DNAJC15: variants seen among roughly 807,000 people sequenced by gnomAD.
The protein encoded by DNAJC15 is dnaJ homolog subfamily C member 15.
In DNAJC15, 27 loss-of-function variants were observed where a neutral mutation model predicts 22.4. The ratio of observed to expected loss-of-function variants is 1.20; its 90% CI spans 0.89 to 1.66. The LOEUF is 1.66. Ranked by LOEUF, DNAJC15 falls within the 40% of genes most tolerant of loss-of-function variation. The pLI is 0.00. For synonymous variants in DNAJC15, 79 were observed against 63.2 expected, an observed-to-expected ratio of 1.25 and a Z score of -1.19; for missense variants, 208 against 187.1, an observed-to-expected ratio of 1.11 and a Z score of -0.65.
Position 43,108,103 on chromosome 13 carries a change from T to C in DNAJC15, c.*855T>C, listed in dbSNP as rs1944937614. ...AGGATAAATCACAAATAGTGAATAC[T>C]GTTAGATACAGATGATATATTTTAA... On this transcript the variant is annotated 3_prime_UTR_variant, in exon 6 of 6. Coordinates refer to ENST00000379221, the MANE Select transcript of DNAJC15 (RefSeq NM_013238.3). 1.3e-5 allele frequency: 2 copies of C among 152,618 alleles called. No homozygotes were observed. Among genetic ancestry groups the C allele is most frequent in the Admixed American group, 1.3e-4 (2 of 15,270 alleles). The allele number at this position is 152,618 out of a possible 1,614,324, so 9.5% of individuals were successfully genotyped here.
At chr13:43,070,900 C>G (rs1032924397) in intron 3 of DNAJC15, among the ~76,000 whole-genome samples, 3 of 152,144 alleles carry the variant, frequency 2.0e-5, no homozygotes, top group African/African-American at 7.2e-5. Flanking sequence ...AGCTGTGAAA[C>G]CAGTAAGCGG....
chr13:43,102,726 A>G (rs1331413362), intron 5 of DNAJC15, among the ~76,000 whole-genome samples: 2 of 152,158 alleles, frequency 1.3e-5, no homozygotes, highest in Non-Finnish European at 2.9e-5. Context: ...CTTGGTCATC[A>G]TATCTAGTCT....
intron 1 of DNAJC15, among the ~76,000 whole-genome samples, chr13:43,052,841 G>T (rs1485887523): frequency 2.0e-5 from 3 of 152,096 alleles, no homozygotes; most frequent in African/African-American, 7.2e-5. Context: ...CTACTCTGTG[G>T]GTTGTTTATT....
At chr13:43,053,078 A>G (rs2040513070) in intron 1 of DNAJC15, among the ~76,000 whole-genome samples, 1 of 152,168 alleles carries the variant, frequency 6.6e-6, no homozygotes, top group African/African-American at 2.4e-5. Context: ...TGATTTTTGT[A>G]TAAGGTGAGA....
rs1254802324 is a variant in DNAJC15, at chr13:43,109,978, TTTAA to T, written c.*2734_*2737del. The T allele has an allele frequency of 6.6e-6, 1 of 152,188 alleles. No homozygotes were observed. Among genetic ancestry groups the T allele is most frequent in the Non-Finnish European group, 1.5e-5 (1 of 68,028 alleles). 9.4% of individuals were successfully genotyped at this position (152,188 alleles called of 1,614,324 possible). A position where few individuals can be genotyped will look rare whatever the true frequency, so the allele number is the denominator to read the frequency against. ...AATTTTTACTTCTTTCACTGCCTCATTTAATTAGTTTTATCTTTAATAATACCTT... is the reference window on the plus strand; with the variant it reads ...AATTTTTACTTCTTTCACTGCCTCATTTAGTTTTATCTTTAATAATACCTT... On this transcript the variant is annotated 3_prime_UTR_variant, in exon 6 of 6. Coordinates refer to ENST00000379221, the MANE Select transcript of DNAJC15 (RefSeq NM_013238.3).
chr13:43,052,793 A>G (rs1295601893), intron 1 of DNAJC15, among the ~76,000 whole-genome samples: 2 of 152,114 alleles, frequency 1.3e-5, no homozygotes, highest in Non-Finnish European at 2.9e-5. Flanking sequence ...AGTGTGTATT[A>G]GTCCTGTGTT....
intron 1 of DNAJC15, among the ~76,000 whole-genome samples, chr13:43,058,348 A>T (rs1214931786): frequency 6.6e-6 from 1 of 151,992 alleles, no homozygotes; most frequent in African/African-American, 2.4e-5. Context: ...CCAAGAGATT[A>T]TGTCCTTTGT....
intron 4 of DNAJC15, among the ~76,000 whole-genome samples, chr13:43,082,681 G>A (rs9315988): frequency 0.23 from 34,680 of 152,032 alleles, 4,551 homozygotes; most frequent in Non-Finnish European, 0.31. Flanking sequence ...ACAAAACTAT[G>A]TGGAACTGAT....
chr13:43,059,547 A>G (rs748974692), intron 1 of DNAJC15, among the ~76,000 whole-genome samples: 1 of 152,178 alleles, frequency 6.6e-6, no homozygotes, highest in Non-Finnish European at 1.5e-5. Context: ...TACTTTTAGT[A>G]GAGCCACCAC....
chr13:43,028,703 T>G (rs1365495705), intron 1 of DNAJC15, among the ~76,000 whole-genome samples: 3 of 152,208 alleles, frequency 2.0e-5, no homozygotes, highest in Admixed American at 2.0e-4. Context: ...TCATGAAATT[T>G]TATGGTTCTG....
chr13:43,076,778 C>A (rs1333733356), intron 3 of DNAJC15, among the ~76,000 whole-genome samples: 1 of 152,216 alleles, frequency 6.6e-6, no homozygotes, highest in Non-Finnish European at 1.5e-5. Context: ...TAAATACACT[C>A]TAATCATACG....
At chr13:43,061,184 G>C (rs1020816227) in intron 1 of DNAJC15, among the ~76,000 whole-genome samples, 5 of 152,196 alleles carry the variant, frequency 3.3e-5, no homozygotes, top group Non-Finnish European at 7.3e-5. Flanking sequence ...GGCCTGTGAG[G>C]CTGGAAGGGG....
rs150144522 is a variant in DNAJC15 at position 43,080,328 on chromosome 13, G to A, written c.311+1640G>A. Reference sequence around the variant, plus strand: ...ATGTGATATTTGGTTTTCTGTTTCTGCATTAGTTTGCTGAGGATAATGGCT... The same window carrying A: ...ATGTGATATTTGGTTTTCTGTTTCTACATTAGTTTGCTGAGGATAATGGCT... On this transcript the variant is annotated intron_variant, in intron 4 of 5. Coordinates refer to ENST00000379221, the MANE Select transcript of DNAJC15 (RefSeq NM_013238.3). 3.3e-4 allele frequency among the ~76,000 whole-genome samples: 50 copies of A among 152,224 alleles called. No homozygotes were observed. In the East Asian group the frequency reaches 8.9e-3, roughly 27 times the overall value.
At chr13:43,050,703 A>G (rs535420241) in intron 1 of DNAJC15, among the ~76,000 whole-genome samples, 14 of 152,336 alleles carry the variant, frequency 9.2e-5, no homozygotes, top group African/African-American at 3.4e-4. Flanking sequence ...TTTTAATATC[A>G]AATTAAAATA....
At chr13:43,082,130 G>T (rs1171581015) in intron 4 of DNAJC15, among the ~76,000 whole-genome samples, 1 of 151,886 alleles carries the variant, frequency 6.6e-6, no homozygotes, top group Non-Finnish European at 1.5e-5. Context: ...TAAGATTTGG[G>T]TGGAGACAGA....
intron 1 of DNAJC15, among the ~76,000 whole-genome samples, chr13:43,042,084 G>A (rs569859402): frequency 4.3e-4 from 65 of 152,298 alleles, no homozygotes; most frequent in African/African-American, 1.5e-3. Flanking sequence ...TGGGTTCTGT[G>A]TTCCAAGACC....
chr13:43,055,546 A>G (rs1489682198), intron 1 of DNAJC15, among the ~76,000 whole-genome samples: 2 of 152,170 alleles, frequency 1.3e-5, no homozygotes, highest in Non-Finnish European at 2.9e-5. Flanking sequence ...GAGCCTTGGT[A>G]TTTACCCCAG....
At chr13:43,073,657 T>C (rs967505828) in intron 3 of DNAJC15, among the ~76,000 whole-genome samples, 2 of 152,242 alleles carry the variant, frequency 1.3e-5, no homozygotes, top group African/African-American at 4.8e-5. Context: ...TTGAAGCTGC[T>C]GGGATTTTTC....
At chr13:43,090,263 G>A (rs533059332) in intron 5 of DNAJC15, among the ~76,000 whole-genome samples, 1 of 152,314 alleles carries the variant, frequency 6.6e-6, no homozygotes, top group Non-Finnish European at 1.5e-5. Flanking sequence ...GCATGGGCAT[G>A]GTATGATGAA....
Sources: allele counts gnomAD v4.1 joint callset (sites outside exome capture counted in the v4.1 genomes callset), GRCh38; gene constraint gnomAD v4.1.1; transcripts MANE v1.5; gene names NCBI Gene and HGNC (gene_info 2026-07-23, HGNC 2026-07-21).